GNA12: variants seen among roughly 807,000 people sequenced by gnomAD.
The protein encoded by GNA12 is G protein subunit alpha 12, also known as guanine nucleotide-binding protein subunit alpha-12.
A neutral mutation model predicts 26.0 loss-of-function variants in GNA12; 9 were observed. That is an observed-to-expected ratio of 0.35 (90% CI 0.21 to 0.60). The LOEUF is 0.60. Ranked by LOEUF, GNA12 falls within the 20% of genes least tolerant of loss-of-function variation. The pLI is 0.78. For synonymous variants in GNA12, 264 were observed against 219.6 expected (o/e 1.20, Z -1.79); for missense variants, 405 against 525.8 (o/e 0.77, Z 2.25).
chr7:2,791,203 T>C (rs1463374015), intron 2 of GNA12, among the ~76,000 whole-genome samples: 3 of 152,166 alleles, frequency 2.0e-5, no homozygotes, highest in Non-Finnish European at 2.9e-5. Context: ...CTGTTGAGCA[T>C]CCTGCTCTGT....
intron 1 of GNA12, among the ~76,000 whole-genome samples, chr7:2,801,286 G>A (rs1483575248): frequency 1.3e-5 from 2 of 152,142 alleles, no homozygotes; most frequent in Non-Finnish European, 2.9e-5. Context: ...GCTTCACAAG[G>A]AGTACAATCT....
At chr7:2,820,602 G>A (rs1793328711) in intron 1 of GNA12, among the ~76,000 whole-genome samples, 1 of 152,206 alleles carries the variant, frequency 6.6e-6, no homozygotes, top group Non-Finnish European at 1.5e-5. Context: ...AAAGCACAGA[G>A]CACGGAAGTG....
chr7:2,794,841 G>C, intron 2 of GNA12, 87 bp downstream of exon 2: 1 of 982,730 alleles, frequency 1.0e-6, no homozygotes, highest in Non-Finnish European at 1.6e-6. Context: ...CTGTTACACA[G>C]TTTTTAAGGA....
At chr7:2,835,604 T>A in intron 1 of GNA12, 1 of 660,880 alleles carries the variant, frequency 1.5e-6, no homozygotes, top group Non-Finnish European at 2.8e-6. Flanking sequence ...TGTCTCATGC[T>A]GTTCTCCAGT....
chr7:2,791,253 C>T (rs577087947), intron 2 of GNA12, among the ~76,000 whole-genome samples: 68 of 152,304 alleles, frequency 4.5e-4, no homozygotes, highest in African/African-American at 1.5e-3. Flanking sequence ...TCTAACATGG[C>T]GAGATCATCT....
intron 2 of GNA12, among the ~76,000 whole-genome samples, chr7:2,792,381 T>C (rs528774395): frequency 1.1e-4 from 17 of 152,328 alleles, no homozygotes; most frequent in African/African-American, 3.6e-4. Flanking sequence ...TACAAGGGCT[T>C]GACTTCCTAA....
chr7:2,750,801 T>C (rs1003543912), intron 2 of GNA12, among the ~76,000 whole-genome samples: 1 of 152,162 alleles, frequency 6.6e-6, no homozygotes, highest in African/African-American at 2.4e-5. Context: ...AGTGTGAAGT[T>C]ACAAAGTGAG....
intron 2 of GNA12, among the ~76,000 whole-genome samples, chr7:2,755,394 C>G (rs1791245965): frequency 6.6e-6 from 1 of 152,200 alleles, no homozygotes; most frequent in Admixed American, 6.5e-5. Flanking sequence ...CACGGCACAT[C>G]CCTCCATTTG....
intron 1 of GNA12, among the ~76,000 whole-genome samples, chr7:2,798,610 A>G (rs910783594): frequency 2.0e-5 from 3 of 152,282 alleles, no homozygotes; most frequent in African/African-American, 7.2e-5. Context: ...GGTTTAGCAC[A>G]ATTTCCATAA....
chr7:2,769,651 C>T (rs150617382), intron 2 of GNA12, among the ~76,000 whole-genome samples: 1 of 151,924 alleles, frequency 6.6e-6, no homozygotes, highest in Admixed American at 6.6e-5. Context: ...GACAATGGCA[C>T]GAACCCGGGA....
intron 1 of GNA12, among the ~76,000 whole-genome samples, chr7:2,838,915 G>T (rs1431824872): frequency 6.6e-6 from 1 of 152,180 alleles, no homozygotes; most frequent in Non-Finnish European, 1.5e-5. Context: ...TAGAGCTAAA[G>T]AAGAAATAGA....
intron 2 of GNA12, among the ~76,000 whole-genome samples, chr7:2,767,261 G>A (rs952613936): frequency 2.0e-5 from 3 of 152,134 alleles, no homozygotes; most frequent in Admixed American, 2.0e-4. Context: ...ATTGGTCTAT[G>A]TTTTCTTTTG....
chr7:2,829,075 GAAA>G (rs748186284), intron 1 of GNA12, among the ~76,000 whole-genome samples: 1 of 49,514 alleles, frequency 2.0e-5, no homozygotes, highest in African/African-American at 7.2e-5. Flanking sequence ...CCTGTCTCAG[GAAA>G]AAAAAAAAAA....
rs529490306 is a variant in GNA12 at position 2,818,523 on chromosome 7, G to A, written c.310-23380C>T. On this transcript the variant is annotated intron_variant, in intron 1 of 3. Coordinates refer to ENST00000275364, the MANE Select transcript of GNA12 (RefSeq NM_007353.3). ...CATGCCTGTAATCCCAGCACTTTGG[G>A]AGGCCAAGGCACACAGATTGCCTGA... 1.7e-3 allele frequency among the ~76,000 whole-genome samples: 253 copies of A among 152,352 alleles called. 6 individuals are homozygous for A. In the South Asian group the frequency reaches 0.039, roughly 23 times the overall value.
At chr7:2,812,641 C>A (rs747428522) in intron 1 of GNA12, among the ~76,000 whole-genome samples, 3 of 60,016 alleles carry the variant, frequency 5.0e-5, no homozygotes, top group Admixed American at 3.3e-4. Context: ...AAAATAACAT[C>A]ACATCACATC....
intron 1 of GNA12, among the ~76,000 whole-genome samples, chr7:2,810,098 G>T (rs961773788): frequency 6.6e-6 from 1 of 152,188 alleles, no homozygotes; most frequent in African/African-American, 2.4e-5. Flanking sequence ...GAATATTTCA[G>T]GTTCGCTGCA....
chr7:2,825,007 G>A (rs898673503), intron 1 of GNA12, among the ~76,000 whole-genome samples: 2 of 152,146 alleles, frequency 1.3e-5, no homozygotes, highest in African/African-American at 4.8e-5. Flanking sequence ...CCTGCGGGTG[G>A]ACAGACACCT....
chr7:2,840,054 T>C (rs1286554776), intron 1 of GNA12, among the ~76,000 whole-genome samples: 1 of 151,500 alleles, frequency 6.6e-6, no homozygotes, highest in Admixed American at 6.6e-5. Flanking sequence ...GGGGAGAGAG[T>C]GGCTACAAAA....
At position 2,762,789 on chromosome 7, in the gene GNA12, G is replaced by T. The variant is rs756535712; in HGVS notation, c.526-29288C>A. The T allele has an allele frequency of 6.5e-6, 10 of 1,540,032 alleles. No individual in the cohort carries two copies. In the Middle Eastern group the frequency reaches 5.0e-4, roughly 77 times the overall value. The stretch of plus-strand genomic sequence containing the variant: ...CTTTCCACCCAGGCTGTACAAAAGG[G>T]AGGAGGAGCACTCAGGGCGGCCTCC... On this transcript the variant is annotated intron_variant, in intron 2 of 3. Coordinates refer to ENST00000275364, the MANE Select transcript of GNA12 (RefSeq NM_007353.3).
Sources: gnomAD v4.1 joint callset for allele counts (sites outside exome capture counted in the v4.1 genomes callset) on GRCh38, gnomAD v4.1.1 for gene constraint, MANE v1.5 for transcripts, NCBI Gene and HGNC (gene_info 2026-07-23, HGNC 2026-07-21) for gene names.